The following RLN2 variants were observed in gnomAD, a reference collection of about 807,000 sequenced individuals.
RLN2 encodes the protein prorelaxin H2.
In RLN2, 10 loss-of-function variants were observed where a neutral mutation model predicts 7.3. The observed-to-expected ratio is 1.36, with a 90% CI of 0.84 to 2.31. RLN2 has a LOEUF of 2.31. Among genes scored for constraint, RLN2 ranks in the 30% most tolerant of loss-of-function variants. The probability of loss-of-function intolerance (pLI) is 0.00; values close to 1 mark genes in which losing one functional copy is unlikely to be tolerated. For synonymous variants in RLN2, 103 were observed against 82.3 expected, an observed-to-expected ratio of 1.25 and a Z score of -1.36; for missense variants, 298 against 217.6, an observed-to-expected ratio of 1.37 and a Z score of -2.32.
chr9:5,332,798 G>C, the RLN2 span, among the ~76,000 whole-genome samples: 2 of 151,766 alleles, frequency 1.3e-5, no homozygotes, highest in African/African-American at 2.4e-5. Context: ...TGTATTTTTA[G>C]TAGAAACGGG....
the RLN2 span, among the ~76,000 whole-genome samples, chr9:5,321,820 A>C: frequency 2.6e-5 from 4 of 152,038 alleles, no homozygotes; most frequent in Non-Finnish European, 4.4e-5. Flanking sequence ...GAACTTACAG[A>C]GCATAAAGAT....
At chr9:5,319,902 C>G in the RLN2 span, among the ~76,000 whole-genome samples, 1 of 151,564 alleles carries the variant, frequency 6.6e-6, no homozygotes, top group African/African-American at 2.4e-5. Context: ...GAAAGAAGCA[C>G]CTTTAAAGAT....
At chr9:5,324,247 A>G in the RLN2 span, among the ~76,000 whole-genome samples, 4 of 152,014 alleles carry the variant, frequency 2.6e-5, no homozygotes, top group Non-Finnish European at 2.9e-5. Flanking sequence ...AAGAAAATAT[A>G]TAATCACAGA....
At chr9:5,325,614 A>G in the RLN2 span, among the ~76,000 whole-genome samples, 463 of 152,162 alleles carry the variant, frequency 3.0e-3, 7 homozygotes, top group Admixed American at 5.2e-3. Flanking sequence ...ACTTGGTCTC[A>G]AAAAAATATC....
At chr9:5,319,241 T>C in the RLN2 span, among the ~76,000 whole-genome samples, 1 of 151,988 alleles carries the variant, frequency 6.6e-6, no homozygotes, top group Non-Finnish European at 1.5e-5. Flanking sequence ...ATTTCTTTAA[T>C]TCCTGGGAAG....
At chr9:5,305,441 G>A (rs763192722), upstream of RLN2, among the ~76,000 whole-genome samples, 1 of 149,632 alleles carries the variant, frequency 6.7e-6, no homozygotes, top group Non-Finnish European at 1.5e-5. Flanking sequence ...AAAAAAAGCA[G>A]TGGAAATCCC....
the RLN2 span, among the ~76,000 whole-genome samples, chr9:5,329,326 A>AAG: frequency 1.3e-5 from 2 of 149,816 alleles, no homozygotes; most frequent in African/African-American, 4.9e-5. Context: ...AAAAAAAAAA[A>AAG]AAAGAAAAGA....
chr9:5,338,088 ATT>A, the RLN2 span, among the ~76,000 whole-genome samples: 2 of 143,396 alleles, frequency 1.4e-5, no homozygotes, highest in African/African-American at 2.6e-5. Flanking sequence ...ATATAATTTC[ATT>A]TTCTCATAAA....
chr9:5,320,987 A>T, the RLN2 span, among the ~76,000 whole-genome samples: 1 of 152,124 alleles, frequency 6.6e-6, no homozygotes, highest in Non-Finnish European at 1.5e-5. Context: ...CAGTGAGTTG[A>T]AGAATCACAA....
chr9:5,332,801 G>C, the RLN2 span, among the ~76,000 whole-genome samples: 1 of 151,782 alleles, frequency 6.6e-6, no homozygotes, highest in African/African-American at 2.4e-5. Flanking sequence ...ATTTTTAGTA[G>C]AAACGGGGTT....
upstream of RLN2, among the ~76,000 whole-genome samples, chr9:5,306,166 G>A (rs1816249181): frequency 6.8e-6 from 1 of 146,142 alleles, no homozygotes; most frequent in East Asian, 2.0e-4. Context: ...GGAGTGCAAT[G>A]GTGTGATCTC....
At chr9:5,318,511 G>C in the RLN2 span, among the ~76,000 whole-genome samples, 3 of 151,812 alleles carry the variant, frequency 2.0e-5, no homozygotes, top group Non-Finnish European at 4.4e-5. Context: ...GTAATTTCTT[G>C]TTACTATACC....
the RLN2 span, among the ~76,000 whole-genome samples, chr9:5,333,485 T>C: frequency 4.2e-3 from 637 of 152,096 alleles, 10 homozygotes; most frequent in African/African-American, 0.014. Context: ...AGAAGCTGAA[T>C]CCCTGAATAG....
At chr9:5,305,868 C>T (rs529296792), upstream of RLN2, among the ~76,000 whole-genome samples, 1 of 152,078 alleles carries the variant, frequency 6.6e-6, no homozygotes, top group East Asian at 1.9e-4. Context: ...AAATGCCAAG[C>T]AATGTGTAAT....
chr9:5,320,920 A>T, the RLN2 span, among the ~76,000 whole-genome samples: 2 of 152,128 alleles, frequency 1.3e-5, no homozygotes, highest in East Asian at 3.9e-4. Context: ...ATAAATCTAC[A>T]ACTGCAACAA....
upstream of RLN2, among the ~76,000 whole-genome samples, chr9:5,309,339 C>T (rs766778280): frequency 5.9e-5 from 9 of 152,002 alleles, no homozygotes; most frequent in Non-Finnish European, 1.3e-4. Flanking sequence ...CCTTTTGTAA[C>T]CCCTTCAGCT....
At chr9:5,316,738 G>C in the RLN2 span, among the ~76,000 whole-genome samples, 1 of 151,910 alleles carries the variant, frequency 6.6e-6, no homozygotes, top group Admixed American at 6.6e-5. Context: ...ATTGTGAATA[G>C]TGCTGCGGTA....
the RLN2 span, among the ~76,000 whole-genome samples, chr9:5,315,702 A>T: frequency 2.6e-5 from 4 of 152,086 alleles, no homozygotes; most frequent in Non-Finnish European, 5.9e-5. Context: ...CAGCAAGAGA[A>T]CAGCATCAAA....
chr9:5,311,828 C>CTT, the RLN2 span: 11 of 513,928 alleles, frequency 2.1e-5, no homozygotes, highest in East Asian at 2.1e-4. Context: ...TATTTTTTTT[C>CTT]TTTTTTTTTT....
Sources: allele counts gnomAD v4.1 joint callset (sites outside exome capture counted in the v4.1 genomes callset), GRCh38; gene constraint gnomAD v4.1.1; transcripts MANE v1.5; gene names NCBI Gene and HGNC (gene_info 2026-07-23, HGNC 2026-07-21).